TMCO1: variants seen among roughly 807,000 people sequenced by gnomAD.
The protein encoded by TMCO1 is calcium load-activated calcium channel.
In TMCO1, 29 loss-of-function variants were observed where a neutral mutation model predicts 29.3. The ratio of observed to expected loss-of-function variants is 0.99; its 90% CI spans 0.74 to 1.35. TMCO1 has a LOEUF of 1.35. Among genes scored for constraint, TMCO1 ranks in the 40% most tolerant of loss-of-function variants. The pLI, the probability that TMCO1 is intolerant of heterozygous loss-of-function variation, is 0.00. For missense variants in TMCO1, 173 were observed against 225.5 expected, an observed-to-expected ratio of 0.77 and a Z score of 1.49; for synonymous variants, 80 against 77.1, an observed-to-expected ratio of 1.04 and a Z score of -0.20.
At chr1:165,725,012 C>CTA (rs1650801371), downstream of TMCO1, 1 of 239,196 alleles carries the variant, frequency 4.2e-6, no homozygotes, top group African/African-American at 4.1e-5. Context: ...CTCTCTCTCT[C>CTA]TCTCTCTCTC....
At chr1:165,738,538 T>C (rs1289589493) in intron 6 of TMCO1, among the ~76,000 whole-genome samples, 1 of 152,202 alleles carries the variant, frequency 6.6e-6, no homozygotes, top group Admixed American at 6.5e-5. Context: ...AATAGCAGGC[T>C]AATAAGGATT....
rs1446446330 is a variant in TMCO1, at chr1:165,752,806, A to G, written c.256-637T>C. Among the ~76,000 whole-genome samples, 3 of 151,888 alleles carry G rather than the reference A, an allele frequency of 2.0e-5. No homozygotes were observed. The East Asian group carries it at 5.9e-4, about 30-fold the overall frequency. On this transcript the variant is annotated intron_variant, in intron 4 of 6. Coordinates refer to ENST00000367881, the MANE Select transcript of TMCO1 (RefSeq NM_019026.6). The stretch of plus-strand genomic sequence containing the variant: ...TGAGACTCCGTCTCAAAAAAAAAAA[A>G]TAGTACTCCTTAGCAAAAAGCTATA...
chr1:165,764,384 C>T (rs79928062), intron 2 of TMCO1, among the ~76,000 whole-genome samples: 5,184 of 152,030 alleles, frequency 0.034, 304 homozygotes, highest in African/African-American at 0.12. Flanking sequence ...ACCCTGATGA[C>T]CATAATCATA....
rs1651756402 is a variant in TMCO1, at chr1:165,745,326, A to G, written c.324-2015T>C. 2.7e-5 allele frequency among the ~76,000 whole-genome samples: 4 copies of G among 149,940 alleles called. No homozygotes were observed. In the South Asian group the frequency reaches 8.6e-4, roughly 32 times the overall value. On this transcript the variant is annotated intron_variant, in intron 5 of 6. Coordinates refer to ENST00000367881, the MANE Select transcript of TMCO1 (RefSeq NM_019026.6). ...GAATGAGCCACCACTCTTGGCTTACATAATCTTTTAGTATCCCTTATAGTC... is the reference window on the plus strand; with the variant it reads ...GAATGAGCCACCACTCTTGGCTTACGTAATCTTTTAGTATCCCTTATAGTC...
In TMCO1 at chr1:165,727,493, CTT is replaced by C. The variant is rs1558026693; in HGVS notation, c.*528_*529del. 2 of 453,582 alleles carry C rather than the reference CTT, an allele frequency of 4.4e-6. No individual in the cohort carries two copies. Among genetic ancestry groups the C allele is most frequent in the Admixed American group, 2.4e-5 (1 of 42,484 alleles). The allele number at this position is 453,582 out of a possible 1,614,324, so 28.1% of individuals were successfully genotyped here. ...TAGTCCTTCCTGGCCCATGCTAAAA[CTT>C]ATATCTAGAAATACGGCAAAACAAA... On this transcript the variant is annotated 3_prime_UTR_variant, in exon 7 of 7. Transcript: ENST00000367881.
intron 6 of TMCO1, among the ~76,000 whole-genome samples, chr1:165,731,135 G>A (rs1456005585): frequency 3.9e-5 from 6 of 152,030 alleles, no homozygotes; most frequent in East Asian, 1.9e-4. Context: ...TCTTGACTTC[G>A]TGATCCGCCT....
intron 5 of TMCO1, among the ~76,000 whole-genome samples, chr1:165,744,884 A>G (rs557447307): frequency 2.0e-5 from 3 of 152,200 alleles, no homozygotes; most frequent in South Asian, 4.1e-4. Context: ...AAGTAGATAC[A>G]GCTACTAAAT....
upstream of TMCO1, chr1:165,768,900 G>T: frequency 6.5e-7 from 1 of 1,546,496 alleles, no homozygotes; most frequent in Non-Finnish European, 8.7e-7. Context: ...CCGCTTCCGG[G>T]GCATAGCACC....
At chr1:165,765,162 A>G (rs1003742412) in intron 2 of TMCO1, among the ~76,000 whole-genome samples, 2 of 152,276 alleles carry the variant, frequency 1.3e-5, no homozygotes, top group African/African-American at 4.8e-5. Context: ...ATACACAATA[A>G]GCAATAACAT....
At position 165,761,171 on chromosome 1, in the gene TMCO1, T is replaced by TG. The variant is rs1553251313; in HGVS notation, c.149-1588_149-1587insC. On this transcript the variant is annotated intron_variant, in intron 2 of 6. Coordinates refer to ENST00000367881, the MANE Select transcript of TMCO1 (RefSeq NM_019026.6). ...AAAATAAAATATGTGTTTTGTGTAT[T>TG]TGTGTGTGTGTGTGTGTGTGTGTTT... 1.9e-3 allele frequency among the ~76,000 whole-genome samples: 289 copies of TG among 150,432 alleles called. 1 individual carries two copies. The highest frequency in any genetic ancestry group is 3.5e-3 in the East Asian group (18 of 5,142).
At chr1:165,724,917 C>T (rs1650788957), downstream of TMCO1, 10 of 453,028 alleles carry the variant, frequency 2.2e-5, no homozygotes, top group South Asian at 1.6e-4. Context: ...ACAGATGACA[C>T]AAATTAGCTA....
rs1490651573 is a variant in TMCO1 at position 165,726,879 on chromosome 1, G to T, written c.*1144C>A. 2.2e-6 allele frequency: 1 copy of T among 453,972 alleles called. No homozygotes were observed. The highest frequency in any genetic ancestry group is 4.4e-6 in the Non-Finnish European group (1 of 226,762). The allele number at this position is 453,972 out of a possible 1,614,324, so 28.1% of individuals were successfully genotyped here. A position where few individuals can be genotyped will look rare whatever the true frequency, so the allele number is the denominator to read the frequency against. On this transcript the variant is annotated 3_prime_UTR_variant, in exon 7 of 7. Transcript: ENST00000367881. The stretch of plus-strand genomic sequence containing the variant: ...TGATACTTATTTTCCTCAGCACTTT[G>T]AAGATACTTTTCTACTGTCTTCTGG...
downstream of TMCO1, chr1:165,725,266 G>C (rs2101779462): frequency 2.2e-6 from 1 of 453,858 alleles, no homozygotes; most frequent in South Asian, 1.6e-5. Context: ...GTGGCAAAAT[G>C]CTTTTGTTTT....
chr1:165,760,764 G>A (rs1652372583), intron 2 of TMCO1, among the ~76,000 whole-genome samples: 2 of 151,866 alleles, frequency 1.3e-5, no homozygotes, highest in African/African-American at 4.8e-5. Flanking sequence ...TCTCGCCACT[G>A]AACTCCAGCC....
At chr1:165,739,923 C>T (rs1347399530) in intron 6 of TMCO1, among the ~76,000 whole-genome samples, 4 of 151,798 alleles carry the variant, frequency 2.6e-5, no homozygotes, top group Non-Finnish European at 5.9e-5. Context: ...CCAGCCTGGC[C>T]AACATGGCGA....
At position 165,727,147 on chromosome 1, in the gene TMCO1, A is replaced by G. The variant is rs766523316; in HGVS notation, c.*876T>C. The G allele has an allele frequency of 7.3e-5, 33 of 454,104 alleles. No individual in the cohort carries two copies. Among genetic ancestry groups the G allele is most frequent in the South Asian group, 5.0e-4 (32 of 64,470 alleles). The allele number at this position is 454,104 out of a possible 1,614,324, so 28.1% of individuals were successfully genotyped here. On this transcript the variant is annotated 3_prime_UTR_variant, in exon 7 of 7. Coordinates refer to ENST00000367881, the MANE Select transcript of TMCO1 (RefSeq NM_019026.6). ...GCAGAAAATGAAGGCTATTGTGACT[A>G]AAAGGAAGCTCTGCGAGATTAACAA...
chr1:165,736,531 G>C (rs537806718), intron 6 of TMCO1, among the ~76,000 whole-genome samples: 91 of 152,226 alleles, frequency 6.0e-4, no homozygotes, highest in African/African-American at 2.1e-3. Context: ...TAGCCAGCCT[G>C]ACCAACATGG....
chr1:165,761,906 G>GC (rs2101815550), intron 2 of TMCO1, among the ~76,000 whole-genome samples: 1 of 151,738 alleles, frequency 6.6e-6, no homozygotes, highest in East Asian at 2.0e-4. Flanking sequence ...CCATGATTGG[G>GC]CCACTGCACT....
At chr1:165,740,471 C>T (rs1315035969) in intron 6 of TMCO1, among the ~76,000 whole-genome samples, 1 of 152,134 alleles carries the variant, frequency 6.6e-6, no homozygotes, top group Non-Finnish European at 1.5e-5. Flanking sequence ...TCCCAAAGTG[C>T]TGGGATTACA....
Sources: gnomAD v4.1 joint callset for allele counts (sites outside exome capture counted in the v4.1 genomes callset) on GRCh38, gnomAD v4.1.1 for gene constraint, MANE v1.5 for transcripts, NCBI Gene and HGNC (gene_info 2026-07-23, HGNC 2026-07-21) for gene names.